UGGT1: variants seen among roughly 807,000 people sequenced by gnomAD.
UGGT1 encodes the protein UDP-glucose glycoprotein glucosyltransferase 1.
A neutral mutation model predicts 203.9 loss-of-function variants in UGGT1; 107 were observed. The ratio of observed to expected loss-of-function variants is 0.52; its 90% confidence interval spans 0.45 to 0.62. The LOEUF is 0.62. Among genes scored for constraint, UGGT1 ranks in the 20% least tolerant of loss-of-function variants. UGGT1 has a pLI of 0.00. For missense variants in UGGT1, 1,673 were observed against 1,867.2 expected (o/e 0.90, Z 1.92); for synonymous variants, 628 against 653.5 (o/e 0.96, Z 0.59).
chr2:128,120,225 T>C (rs1365897028), intron 8 of UGGT1, 131 bp from the exon 9 acceptor site: 1 of 701,880 alleles, frequency 1.4e-6, no homozygotes, highest in African/African-American at 1.8e-5. Context: ...TACTTCATTT[T>C]TTCCCCCTAT....
chr2:128,177,773 G>A, intron 32 of UGGT1, 59 bp from the exon 33 acceptor site: 1 of 1,404,324 alleles, frequency 7.1e-7, no homozygotes, highest in Non-Finnish European at 9.7e-7. Flanking sequence ...TATCCAGTGA[G>A]AGGCAGTTTT....
intron 10 of UGGT1, among the ~76,000 whole-genome samples, 165 bp from the exon 11 acceptor site, chr2:128,123,021 A>G (rs34915029): frequency 0.32 from 48,086 of 152,094 alleles, 8,819 homozygotes; most frequent in Non-Finnish European, 0.41. Context: ...AAATATACAC[A>G]TCTGAGAAAG....
At chr2:128,139,472 G>C (rs1057247047) in intron 16 of UGGT1, among the ~76,000 whole-genome samples, 18 of 151,910 alleles carry the variant, frequency 1.2e-4, no homozygotes, top group Admixed American at 3.3e-4. Context: ...TGATCGAGGG[G>C]GCCAAAGAAG....
chr2:128,115,571 A>G (rs1487674913), intron 7 of UGGT1, among the ~76,000 whole-genome samples: 2 of 151,648 alleles, frequency 1.3e-5, no homozygotes, highest in African/African-American at 4.8e-5. Flanking sequence ...AGTAGTAGCT[A>G]TTGTTGTTGA....
chr2:128,161,306 A>G (rs756161977), intron 25 of UGGT1, 38 bp downstream of exon 25: 2 of 1,603,482 alleles, frequency 1.2e-6, no homozygotes, highest in African/African-American at 2.7e-5. Flanking sequence ...GGGGTTATAT[A>G]ATTGGACTTT....
chr2:128,166,933 G>T (rs1216473672), intron 26 of UGGT1, among the ~76,000 whole-genome samples: 1 of 152,206 alleles, frequency 6.6e-6, no homozygotes, highest in Non-Finnish European at 1.5e-5. Context: ...TCCTTGTGGG[G>T]ATCAGGTGTG....
intron 21 of UGGT1, 102 bp downstream of exon 21, chr2:128,156,517 G>T (rs1380681422): frequency 5.7e-6 from 5 of 874,688 alleles, no homozygotes; most frequent in Non-Finnish European, 9.0e-6. Context: ...ACTGTTTCCG[G>T]AATCTGTGGG....
rs114284257 is a variant in UGGT1, at chr2:128,179,817, A to G, written c.3847A>G (p.Lys1283Glu). The change falls in exon 35 of 41, where the codon AAG becomes GAG. Residue 1283 changes from lysine to glutamate, a missense_variant. Physicochemically the swap from Lys to Glu is moderately conservative, Grantham distance 56. Coordinates refer to ENST00000259253, the MANE Select transcript of UGGT1 (RefSeq NM_020120.4). ...IMMLSVLKNT[K>E]TPVKFWFLKN... ...GATGCTATCCGTGCTGAAGAATACC[A>G]AGACTCCTGTGAAATTCTGGTTCTT... The G allele has an allele frequency of 1.8e-3, 2,867 of 1,614,018 alleles. 3 individuals are homozygous for G. The highest frequency in any genetic ancestry group is 9.1e-3 in the Middle Eastern group (55 of 6,060).
chr2:128,099,427 A>C (rs1687265511), intron 2 of UGGT1, among the ~76,000 whole-genome samples: 2 of 152,188 alleles, frequency 1.3e-5, no homozygotes, highest in African/African-American at 4.8e-5. Flanking sequence ...TACAGGTGTG[A>C]GCCACCATGC....
rs781005055 is a variant in UGGT1, at chr2:128,156,857, A to G, written c.2261-395A>G. 2.2e-4 allele frequency among the ~76,000 whole-genome samples: 34 copies of G among 152,258 alleles called. 1 individual carries two copies. Among genetic ancestry groups the G allele is most frequent in the Admixed American group, 1.4e-3 (21 of 15,292 alleles). On this transcript the variant is annotated intron_variant, in intron 21 of 40. Transcript: ENST00000259253. ...AGTGCTAGGATTACAGGCGTGAGCCACTGCACCCGGCCAATGTAGATAAAT... is the reference window on the plus strand; with the variant it reads ...AGTGCTAGGATTACAGGCGTGAGCCGCTGCACCCGGCCAATGTAGATAAAT...
At chr2:128,121,175 T>C (rs565599761) in intron 9 of UGGT1, 24 bp from the exon 10 acceptor site, 1 of 1,610,106 alleles carries the variant, frequency 6.2e-7, no homozygotes, top group Admixed American at 1.7e-5. Flanking sequence ...AATCCACTTT[T>C]AATTATATTT....
chr2:128,116,329 C>T lies in UGGT1; in HGVS notation c.858C>T (p.Leu286=). 2 of 1,610,040 alleles carry T rather than the reference C, an allele frequency of 1.2e-6. No individual in the cohort carries two copies. Among genetic ancestry groups the T allele is most frequent in the Non-Finnish European group, 1.7e-6 (2 of 1,176,460 alleles). ...NDPIDEVQGF[L]FGKLRDLHPD... ...CTATTGATGAGGTTCAGGGGTTCCT[C>T]TTTGGAAAATTAAGGTATGTATGTT... The change falls in exon 8 of 41, where the codon CTC becomes CTT. Residue 286 remains leucine (L), a synonymous_variant. Coordinates refer to ENST00000259253, the MANE Select transcript of UGGT1 (RefSeq NM_020120.4).
chr2:128,178,198 T>A (rs1691495535), intron 33 of UGGT1, among the ~76,000 whole-genome samples: 1 of 152,222 alleles, frequency 6.6e-6, no homozygotes, highest in African/African-American at 2.4e-5. Flanking sequence ...CCTGCTCAGT[T>A]TACTTCCCGT....
chr2:128,093,760 CTATT>C (rs989354490), intron 1 of UGGT1, among the ~76,000 whole-genome samples: 4 of 152,132 alleles, frequency 2.6e-5, no homozygotes, highest in African/African-American at 9.7e-5. Context: ...CTAAGCACTG[CTATT>C]TATTAGTTAG....
At chr2:128,143,021 G>A in intron 16 of UGGT1, 73 bp from the exon 17 acceptor site, 11 of 1,383,972 alleles carry the variant, frequency 7.9e-6, no homozygotes, top group South Asian at 3.4e-5. Context: ...TCTAAATTCA[G>A]AAAAATGTGG....
Position 128,154,060 on chromosome 2 carries a change from T to TACAC in UGGT1, c.2137+1179_2137+1182dup, listed in dbSNP as rs10597837. ...GGTAGAGGAAAAATACATGTATATA[T>TACAC]ACACACACACACACACACACACACA... is the stretch of plus-strand genomic sequence containing the variant. On this transcript the variant is annotated intron_variant, in intron 19 of 40. Transcript: ENST00000259253. 8.7e-3 allele frequency among the ~76,000 whole-genome samples: 1,298 copies of TACAC among 149,780 alleles called. 14 individuals are homozygous for TACAC. Among genetic ancestry groups the TACAC allele is most frequent in the African/African-American group, 0.027 (1,107 of 40,618 alleles).
chr2:128,142,913 G>A (rs1293937386), intron 16 of UGGT1, among the ~76,000 whole-genome samples, 181 bp from the exon 17 acceptor site: 1 of 151,774 alleles, frequency 6.6e-6, no homozygotes, highest in Non-Finnish European at 1.5e-5. Context: ...TCCGGAAGGC[G>A]GAGGTTCAGT....
At chr2:128,188,836 A>G (rs1031534387) in intron 40 of UGGT1, among the ~76,000 whole-genome samples, 2 of 152,218 alleles carry the variant, frequency 1.3e-5, no homozygotes, top group African/African-American at 4.8e-5. Flanking sequence ...AATCCAGAAC[A>G]TGGATCTTGG....
intron 2 of UGGT1, among the ~76,000 whole-genome samples, chr2:128,100,601 T>C (rs1687333369): frequency 2.0e-5 from 3 of 149,530 alleles, no homozygotes; most frequent in South Asian, 4.2e-4. Context: ...TTTTTTTTTT[T>C]AGTAGCGATG....
Sources: allele counts gnomAD v4.1 joint callset (sites outside exome capture counted in the v4.1 genomes callset), GRCh38; gene constraint gnomAD v4.1.1; transcripts MANE v1.5; gene names NCBI Gene and HGNC (gene_info 2026-07-23, HGNC 2026-07-21).